The following CDH9 variants were observed in gnomAD, a reference collection of about 807,000 sequenced individuals.
CDH9 encodes cadherin-9.
Under a neutral mutation model 70.9 loss-of-function variants are expected in CDH9, and 28 were observed. The observed-to-expected ratio is 0.40, with a 90% confidence interval of 0.29 to 0.54. The LOEUF (loss-of-function observed/expected upper bound fraction) is 0.54. Among genes scored for constraint, CDH9 ranks in the 20% least tolerant of loss-of-function variants. CDH9 has a pLI of 0.59. For synonymous variants in CDH9, 409 were observed against 343.1 expected (o/e 1.19, Z -2.12); for missense variants, 874 against 984.4 (o/e 0.89, Z 1.50).
chr5:26,949,528 C>T (rs1741809244), intron 2 of CDH9, among the ~76,000 whole-genome samples: 2 of 152,146 alleles, frequency 1.3e-5, no homozygotes, highest in Admixed American at 1.3e-4. Flanking sequence ...TGACAATGAC[C>T]AATGGAAAGT....
At chr5:27,019,854 A>G (rs1306516155) in intron 1 of CDH9, among the ~76,000 whole-genome samples, 1 of 151,910 alleles carries the variant, frequency 6.6e-6, no homozygotes, top group Non-Finnish European at 1.5e-5. Context: ...TCTACATGCA[A>G]AATTCTTAAT....
At chr5:26,911,483 G>A (rs1483185801) in intron 3 of CDH9, among the ~76,000 whole-genome samples, 1 of 151,982 alleles carries the variant, frequency 6.6e-6, no homozygotes, top group African/African-American at 2.4e-5. Context: ...TTCCTGGTTG[G>A]GGGTCAAAGT....
intron 2 of CDH9, among the ~76,000 whole-genome samples, chr5:26,946,922 T>C (rs1741764474): frequency 6.6e-6 from 1 of 152,224 alleles, no homozygotes; most frequent in Non-Finnish European, 1.5e-5. Flanking sequence ...AAACCCTCAC[T>C]GTTTAAATTA....
At chr5:26,939,050 A>G (rs1188528012) in intron 2 of CDH9, among the ~76,000 whole-genome samples, 3 of 152,174 alleles carry the variant, frequency 2.0e-5, no homozygotes, top group Non-Finnish European at 2.9e-5. Context: ...AAAATATTAT[A>G]TCTTCAGGAT....
At chr5:26,923,886 A>G (rs1384127438) in intron 2 of CDH9, among the ~76,000 whole-genome samples, 1 of 152,050 alleles carries the variant, frequency 6.6e-6, no homozygotes, top group Non-Finnish European at 1.5e-5. Flanking sequence ...GAAAACCTAC[A>G]GAATACAGAA....
chr5:27,025,309 G>A (rs568225723), intron 1 of CDH9, among the ~76,000 whole-genome samples: 2 of 152,220 alleles, frequency 1.3e-5, no homozygotes, highest in South Asian at 4.1e-4. Flanking sequence ...AAAGTTCAAT[G>A]TTTAGTAAAT....
At chr5:26,989,145 A>G (rs1234239194) in intron 1 of CDH9, among the ~76,000 whole-genome samples, 1 of 152,056 alleles carries the variant, frequency 6.6e-6, no homozygotes, top group African/African-American at 2.4e-5. Context: ...TAGATAACAC[A>G]TGTTACGTAT....
At chr5:26,923,142 C>G (rs1741276476) in intron 2 of CDH9, among the ~76,000 whole-genome samples, 1 of 121,382 alleles carries the variant, frequency 8.2e-6, no homozygotes, top group African/African-American at 3.0e-5. Flanking sequence ...AAAAGAAAGA[C>G]AAAGCAATCT....
At chr5:26,977,253 T>C (rs965535636) in intron 2 of CDH9, among the ~76,000 whole-genome samples, 2 of 151,998 alleles carry the variant, frequency 1.3e-5, no homozygotes, top group Non-Finnish European at 2.9e-5. Context: ...ACTGGCAAGA[T>C]AATTTTATGA....
intron 1 of CDH9, among the ~76,000 whole-genome samples, chr5:26,996,847 G>T (rs967945828): frequency 6.6e-6 from 1 of 151,686 alleles, no homozygotes; most frequent in Non-Finnish European, 1.5e-5. Context: ...CCAAGTGCTG[G>T]CATGTAATTT....
chr5:26,916,286 A>G (rs1437902194), intron 2 of CDH9, among the ~76,000 whole-genome samples: 1 of 152,046 alleles, frequency 6.6e-6, no homozygotes, highest in Non-Finnish European at 1.5e-5. Flanking sequence ...TGTTGATTAC[A>G]TTTAAAATGA....
intron 9 of CDH9, among the ~76,000 whole-genome samples, chr5:26,887,832 G>A (rs1740590758): frequency 6.6e-6 from 1 of 152,130 alleles, no homozygotes; most frequent in African/African-American, 2.4e-5. Flanking sequence ...AGAGATTGGA[G>A]TAATTGGCGT....
chr5:26,881,030 T>C lies in CDH9; in HGVS notation c.*106A>G. ...CTTGACAACATCTACGTATTGTTTGTAACTTCAATTTTTGAAAGATTTCCT... is the reference window on the plus strand; with the variant it reads ...CTTGACAACATCTACGTATTGTTTGCAACTTCAATTTTTGAAAGATTTCCT... On this transcript the variant is annotated 3_prime_UTR_variant, in exon 12 of 12. Coordinates refer to ENST00000231021, the MANE Select transcript of CDH9 (RefSeq NM_016279.4). 4.7e-6 allele frequency: 5 copies of C among 1,060,292 alleles called. No individual in the cohort carries two copies. The highest frequency in any genetic ancestry group is 6.8e-6 in the Non-Finnish European group (5 of 730,966). 65.7% of individuals were successfully genotyped at this position (1,060,292 alleles called of 1,614,324 possible).
chr5:26,962,602 G>C (rs1742056165), intron 2 of CDH9, among the ~76,000 whole-genome samples: 2 of 151,934 alleles, frequency 1.3e-5, no homozygotes, highest in Non-Finnish European at 2.9e-5. Flanking sequence ...TAAGTTTGTT[G>C]GCTGCATAAA....
chr5:27,007,377 T>C (rs551389006), intron 1 of CDH9, among the ~76,000 whole-genome samples: 4 of 152,142 alleles, frequency 2.6e-5, no homozygotes, highest in South Asian at 2.1e-4. Flanking sequence ...CATGGCAATA[T>C]TGAGAAGAGA....
At chr5:27,000,704 A>G (rs1579505164) in intron 1 of CDH9, among the ~76,000 whole-genome samples, 1 of 152,254 alleles carries the variant, frequency 6.6e-6, no homozygotes, top group Non-Finnish European at 1.5e-5. Flanking sequence ...AAATTGGTGG[A>G]AAAAACCTAG....
intron 6 of CDH9, 180 bp downstream of exon 6, chr5:26,903,457 G>C: frequency 1.4e-6 from 1 of 694,754 alleles, no homozygotes; most frequent in Non-Finnish European, 2.6e-6. Flanking sequence ...GGTTTTAAGT[G>C]TCAATTATGA....
At chr5:26,980,256 T>C (rs1044959000) in intron 2 of CDH9, among the ~76,000 whole-genome samples, 2 of 151,908 alleles carry the variant, frequency 1.3e-5, no homozygotes, top group African/African-American at 4.8e-5. Context: ...AAAGGCATCT[T>C]CTTAGATTTG....
intron 2 of CDH9, among the ~76,000 whole-genome samples, chr5:26,949,577 A>G (rs536727236): frequency 6.6e-6 from 1 of 152,338 alleles, no homozygotes; most frequent in Non-Finnish European, 1.5e-5. Flanking sequence ...CTCACAGAAG[A>G]AACATTGAAC....
Sources: allele counts gnomAD v4.1 joint callset (sites outside exome capture counted in the v4.1 genomes callset), GRCh38; gene constraint gnomAD v4.1.1; transcripts MANE v1.5; gene names NCBI Gene and HGNC (gene_info 2026-07-23, HGNC 2026-07-21).